LRR1: variants seen among roughly 807,000 people sequenced by gnomAD.
The protein encoded by LRR1 is leucine-rich repeat protein 1.
A neutral mutation model predicts 31.6 loss-of-function variants in LRR1; 29 were observed. That is an observed-to-expected ratio of 0.92 (90% CI 0.68 to 1.25). The LOEUF is 1.25. Among genes scored for constraint, LRR1 ranks in the 50% most tolerant of loss-of-function variants. The pLI is 0.00. For missense variants in LRR1, 485 were observed against 487.2 expected (o/e 1.00, Z 0.04); for synonymous variants, 179 against 181.4 (o/e 0.99, Z 0.10).
At chr14:49,602,208 GGCGTGATAAAAA>G (rs1473926326) in intron 1 of LRR1, among the ~76,000 whole-genome samples, 150 bp from the exon 2 acceptor site, 2 of 145,344 alleles carry the variant, frequency 1.4e-5, no homozygotes, top group Non-Finnish European at 3.0e-5. Context: ...GGAGTGCAGT[GGCGTGATAAAAA>G]GCTTTAAAAC....
intron 3 of LRR1, among the ~76,000 whole-genome samples, chr14:49,610,460 G>T (rs1882471701): frequency 6.6e-6 from 1 of 151,714 alleles, no homozygotes; most frequent in South Asian, 2.1e-4. Flanking sequence ...TCACCACGTT[G>T]GCCAGGCTGG....
chr14:49,607,455 G>T lies in LRR1; in HGVS notation c.338G>T (p.Gly113Val), dbSNP rs1566495073. 4 of 1,611,364 alleles carry T rather than the reference G, an allele frequency of 2.5e-6. No individual in the cohort carries two copies. The highest frequency in any genetic ancestry group is 3.4e-6 in the Non-Finnish European group (4 of 1,179,118). The change falls in exon 3 of 4, where the codon GGC becomes GTC. Residue 113 changes from glycine (G) to valine (V), a missense_variant. Physicochemically the swap from Gly to Val is moderately radical, Grantham distance 109. Transcript: ENST00000298288. ...TCAGCTATGAGACTGGCTCATAGAG[G>T]CTGTAATGTTGATACACCAGTTTCA... ...FLSAMRLAHR[G>V]CNVDTPVSTL...
In LRR1 at chr14:49,609,287, C is replaced by T. The variant is rs562289769; in HGVS notation, c.1004+1166C>T. Among the ~76,000 whole-genome samples, 7 of 132,262 alleles carry T rather than the reference C, an allele frequency of 5.3e-5. No homozygotes were observed. In the East Asian group the frequency reaches 1.6e-3, roughly 31 times the overall value. The allele number at this position is 132,262 out of a possible 152,430, so 86.8% of individuals were successfully genotyped here. A position where few individuals can be genotyped will look rare whatever the true frequency, so the allele number is the denominator to read the frequency against. ...GTTGCCCAGGCTCGAGTGCAGTGGTCCAATCTCAGCTCACTGCAACTTCTG... is the reference window on the plus strand; with the variant it reads ...GTTGCCCAGGCTCGAGTGCAGTGGTTCAATCTCAGCTCACTGCAACTTCTG... On this transcript the variant is annotated intron_variant, in intron 3 of 3. Transcript: ENST00000298288.
intron 1 of LRR1, chr14:49,600,446 A>T: frequency 1.3e-6 from 2 of 1,595,634 alleles, no homozygotes; most frequent in South Asian, 1.1e-5. Flanking sequence ...GACAGAAACT[A>T]GCAAAAGAGA....
intron 1 of LRR1, among the ~76,000 whole-genome samples, chr14:49,599,799 G>T (rs1354183711): frequency 2.1e-5 from 3 of 146,194 alleles, no homozygotes; most frequent in Admixed American, 6.8e-5. Context: ...CGGCGACCGC[G>T]GCGGCGGCAG....
At position 49,611,470 on chromosome 14, in the gene LRR1, C is replaced by T. The variant is rs118029486; in HGVS notation, c.1005-2786C>T. ...AGCTTGGGAGTGCAGATTGAGACTC[C>T]GTCTCAATCAGTCAATCAGTTAATT... On this transcript the variant is annotated intron_variant, in intron 3 of 3. Transcript: ENST00000298288. 1.3e-3 allele frequency among the ~76,000 whole-genome samples: 201 copies of T among 152,046 alleles called. 1 individual carries two copies. In the East Asian group the frequency reaches 0.019, roughly 15 times the overall value.
In LRR1 at chr14:49,607,925, C is replaced by T; in HGVS notation, c.808C>T (p.Gln270Ter). Residue 270 changes from glutamine to a stop codon, truncating the protein, a stop_gained, in exon 3 of 4, where the codon CAA becomes TAA. Transcript: ENST00000298288. LOFTEE classifies it high-confidence loss of function. ...ELIQFPCKIG[Q>*]LINLRFLSAA... ...GATTCAATTTCCTTGCAAGATAGGA[C>T]AACTAATAAACCTTCGCTTTTTGTC... 2.5e-6 allele frequency: 4 copies of T among 1,613,728 alleles called. No homozygotes were observed. The highest frequency in any genetic ancestry group is 3.4e-6 in the Non-Finnish European group (4 of 1,179,912).
intron 3 of LRR1, 86 bp downstream of exon 3, chr14:49,608,207 G>T: frequency 7.5e-7 from 1 of 1,336,586 alleles, no homozygotes; most frequent in Non-Finnish European, 1.0e-6. Context: ...GTCTAACATT[G>T]CTTACAGTGC....
chr14:49,600,201 T>G (rs1881999581), intron 1 of LRR1: 1 of 1,478,824 alleles, frequency 6.8e-7, no homozygotes, highest in Non-Finnish European at 9.5e-7. Context: ...ACAGGAAGAC[T>G]ATGACCATCT....
At chr14:49,601,622 C>T (rs1266509995) in intron 1 of LRR1, 1 of 1,289,456 alleles carries the variant, frequency 7.8e-7, no homozygotes, top group South Asian at 1.2e-5. Context: ...GTGTGCCCAC[C>T]CCAGGCTAAT....
At chr14:49,604,518 G>T (rs1882212153) in intron 2 of LRR1, among the ~76,000 whole-genome samples, 1 of 151,934 alleles carries the variant, frequency 6.6e-6, no homozygotes, top group Non-Finnish European at 1.5e-5. Flanking sequence ...TGGGTGACAT[G>T]GTGAAACCCC....
At chr14:49,604,019 G>A (rs1882191389) in intron 2 of LRR1, among the ~76,000 whole-genome samples, 1 of 151,556 alleles carries the variant, frequency 6.6e-6, no homozygotes, top group Non-Finnish European at 1.5e-5. Context: ...AATATAAACT[G>A]AGGCTGGGTG....
intron 1 of LRR1, chr14:49,601,712 A>G (rs1414850926): frequency 2.3e-6 from 3 of 1,284,786 alleles, no homozygotes; most frequent in African/African-American, 1.5e-5. Flanking sequence ...GAAAAGGAGC[A>G]TTCTCTCAAA....
intron 3 of LRR1, among the ~76,000 whole-genome samples, chr14:49,610,693 G>C (rs1379678063): frequency 6.6e-6 from 1 of 152,154 alleles, no homozygotes; most frequent in Non-Finnish European, 1.5e-5. Flanking sequence ...CTCCCAAGTA[G>C]CTGGGATTAC....
chr14:49,603,390 G>C (rs2274214), intron 2 of LRR1, among the ~76,000 whole-genome samples: 2 of 152,016 alleles, frequency 1.3e-5, no homozygotes, highest in Non-Finnish European at 2.9e-5. Flanking sequence ...AACTCTATAA[G>C]GCAACTGCAC....
intron 3 of LRR1, among the ~76,000 whole-genome samples, chr14:49,608,338 G>A (rs974538217): frequency 5.8e-5 from 8 of 139,120 alleles, no homozygotes; most frequent in African/African-American, 1.6e-4. Flanking sequence ...CTGCCGAAGT[G>A]TCATCCCAGA....
At chr14:49,603,480 C>A (rs1476964515) in intron 2 of LRR1, 2 of 365,648 alleles carry the variant, frequency 5.5e-6, no homozygotes, top group Non-Finnish European at 4.0e-6. Flanking sequence ...TCAATTAGAA[C>A]CATCTTGTAT....
intron 1 of LRR1, chr14:49,600,042 G>C: frequency 1.9e-6 from 3 of 1,608,308 alleles, no homozygotes; most frequent in African/African-American, 2.7e-5. Flanking sequence ...GGTGGTCGGC[G>C]ACGGGGCGGT....
chr14:49,603,523 CTTTTTTTTTTTTTT>C lies in LRR1; in HGVS notation c.282+1067_282+1080del. 2.1e-5 allele frequency: 2 copies of C among 93,054 alleles called. 1 individual carries two copies. Among genetic ancestry groups the C allele is most frequent in the African/African-American group, 1.1e-4 (2 of 17,574 alleles). The allele number at this position is 93,054 out of a possible 1,614,324, so 5.8% of individuals were successfully genotyped here. A position where few individuals can be genotyped will look rare whatever the true frequency, so the allele number is the denominator to read the frequency against. On this transcript the variant is annotated intron_variant, in intron 2 of 3. Transcript: ENST00000298288. ...ACTGTAATCATTCTTTCTTCTTCTT[CTTTTTTTTTTTTTT>C]TTTTTTTTTTTGAGATGGAGTCTCA... is the stretch of plus-strand genomic sequence containing the variant.
Sources: allele counts gnomAD v4.1 joint callset (sites outside exome capture counted in the v4.1 genomes callset), GRCh38; gene constraint gnomAD v4.1.1; transcripts MANE v1.5; gene names NCBI Gene and HGNC (gene_info 2026-07-23, HGNC 2026-07-21).